PLXNA4: variants seen among roughly 807,000 people sequenced by gnomAD.
The protein encoded by PLXNA4 is plexin-A4.
PLXNA4 carries 44 observed loss-of-function variants against 191.8 expected under a neutral mutation model. The ratio of observed to expected loss-of-function variants is 0.23; its 90% CI spans 0.18 to 0.29. PLXNA4 has a LOEUF of 0.29. Among genes scored for constraint, PLXNA4 ranks in the 10% least tolerant of loss-of-function variants. The pLI is 1.00. For synonymous variants in PLXNA4, 1,082 were observed against 1,009.5 expected (o/e 1.07, Z -1.36); for missense variants, 1,800 against 2,488.8 (o/e 0.72, Z 5.89).
In PLXNA4 at chr7:132,507,671, C is replaced by T. The variant is rs1250076084; in HGVS notation, c.1023G>A (p.Lys341=). ...GGGATTTCATTTTCCGCTTCTGGCC[C>T]TTGGAGAAGACGGTGAAGAGCAGGT... ...DDDLLFTVFS[K]GQKRKMKSLD... Residue 341 remains lysine, a synonymous_variant, in exon 2 of 32, where the codon AAG becomes AAA. Coordinates refer to ENST00000321063, the MANE Select transcript of PLXNA4 (RefSeq NM_020911.2). The T allele has an allele frequency of 6.2e-7, 1 of 1,614,228 alleles. No homozygotes were observed. The highest frequency in any genetic ancestry group is 8.5e-7 in the Non-Finnish European group (1 of 1,180,044).
At chr7:132,560,747 T>C (rs79574823) in intron 1 of PLXNA4, among the ~76,000 whole-genome samples, 2 of 152,086 alleles carry the variant, frequency 1.3e-5, no homozygotes, top group East Asian at 1.9e-4. Context: ...TGGCATCATC[T>C]CCCACCAGCT....
rs1395608767 is a variant in PLXNA4 at position 132,164,304 on chromosome 7, A to AC, written c.4354-17dup. ...CAGCACACTCCTGGAGGTGAGAAGA[A>AC]CGTCATTAGGAGGAGCTCTTGGAAC... On this transcript the variant is annotated splice_polypyrimidine_tract_variant and intron_variant, in intron 23 of 31. Coordinates refer to ENST00000321063, the MANE Select transcript of PLXNA4 (RefSeq NM_020911.2). 2 of 1,613,144 alleles carry AC rather than the reference A, an allele frequency of 1.2e-6. No homozygotes were observed. Among genetic ancestry groups the AC allele is most frequent in the Non-Finnish European group, 1.7e-6 (2 of 1,179,302 alleles).
intron 20 of PLXNA4, 40 bp downstream of exon 20, chr7:132,179,647 C>G (rs373449239): frequency 1.3e-6 from 2 of 1,575,382 alleles, no homozygotes; most frequent in Non-Finnish European, 1.7e-6. Context: ...TATGCACACA[C>G]GCACACACAC....
chr7:132,605,371 G>C (rs1271991908), intron 2 of PLXNA4, among the ~76,000 whole-genome samples: 1 of 152,162 alleles, frequency 6.6e-6, no homozygotes, highest in Admixed American at 6.5e-5. Context: ...AATTTAGAGA[G>C]GGGATCCAGT....
intron 3 of PLXNA4, among the ~76,000 whole-genome samples, chr7:132,329,333 C>T (rs934835605): frequency 3.3e-5 from 5 of 152,206 alleles, no homozygotes; most frequent in African/African-American, 1.2e-4. Context: ...TGCTCGCCCT[C>T]TCCCTGTCTC....
chr7:132,304,824 G>T (rs1801447668), intron 3 of PLXNA4, among the ~76,000 whole-genome samples: 3 of 142,572 alleles, frequency 2.1e-5, no homozygotes, highest in Non-Finnish European at 4.5e-5. Flanking sequence ...CAACCCCTTT[G>T]TGTCTCCCAG....
At chr7:132,246,514 A>T (rs1013376516) in intron 4 of PLXNA4, among the ~76,000 whole-genome samples, 11 of 152,176 alleles carry the variant, frequency 7.2e-5, no homozygotes, top group Admixed American at 5.9e-4. Flanking sequence ...CAAGAGGTCA[A>T]ATGGCCCCTG....
At chr7:132,176,934 G>A (rs571601999) in intron 20 of PLXNA4, among the ~76,000 whole-genome samples, 9 of 152,130 alleles carry the variant, frequency 5.9e-5, no homozygotes, top group Admixed American at 3.3e-4. Context: ...ATGTGGGCAT[G>A]TGTGTGCACG....
chr7:132,497,122 GCACACACA>G (rs34913954), intron 2 of PLXNA4, among the ~76,000 whole-genome samples: 2 of 150,184 alleles, frequency 1.3e-5, no homozygotes, highest in Non-Finnish European at 3.0e-5. Context: ...GTGCACGCAC[GCACACACA>G]CACACACACA....
chr7:132,293,891 T>C (rs1426309904), intron 4 of PLXNA4, among the ~76,000 whole-genome samples: 3 of 152,194 alleles, frequency 2.0e-5, no homozygotes, highest in African/African-American at 4.8e-5. Context: ...AGCACCAAAA[T>C]TGAAACCACA....
In PLXNA4 at chr7:132,263,463, G is replaced by A. The variant is rs558132215; in HGVS notation, c.1504-22297C>T. On this transcript the variant is annotated intron_variant, in intron 4 of 31. Transcript: ENST00000321063. The stretch of plus-strand genomic sequence containing the variant: ...CCTGGGCTGAGTTATGAGTGCCTCC[G>A]AGCCTCAGCTTCTTTACGGTAAAAT... 6.6e-5 allele frequency among the ~76,000 whole-genome samples: 10 copies of A among 152,296 alleles called. No homozygotes were observed. In the East Asian group the frequency reaches 7.7e-4, roughly 12 times the overall value.
At chr7:132,261,536 A>G (rs899689240) in intron 4 of PLXNA4, among the ~76,000 whole-genome samples, 1 of 152,204 alleles carries the variant, frequency 6.6e-6, no homozygotes, top group African/African-American at 2.4e-5. Flanking sequence ...CTGCCTGATG[A>G]ATGATGCTAG....
chr7:132,520,906 G>GT (rs5887578), intron 1 of PLXNA4, among the ~76,000 whole-genome samples: 5,858 of 152,166 alleles, frequency 0.038, 363 homozygotes, highest in African/African-American at 0.13. Context: ...CAGCCAAATG[G>GT]CAGGGCTTCT....
intron 2 of PLXNA4, among the ~76,000 whole-genome samples, chr7:132,623,617 C>G (rs148844028): frequency 6.6e-6 from 1 of 152,162 alleles, no homozygotes; most frequent in Admixed American, 6.5e-5. Flanking sequence ...GGAGAGCAAG[C>G]CTGGCTGAAG....
intron 25 of PLXNA4, among the ~76,000 whole-genome samples, chr7:132,152,254 G>T (rs1023291523): frequency 3.4e-4 from 52 of 152,152 alleles, no homozygotes; most frequent in African/African-American, 1.2e-3. Flanking sequence ...AAGCTGCATG[G>T]CTGGGCTCAT....
chr7:132,284,097 T>C (rs1298601806), intron 4 of PLXNA4, among the ~76,000 whole-genome samples: 1 of 152,150 alleles, frequency 6.6e-6, no homozygotes, highest in African/African-American at 2.4e-5. Flanking sequence ...CATCTGAGCT[T>C]AGGACTTCAA....
chr7:132,576,928 G>C (rs1322292261), upstream of PLXNA4: 4 of 149,354 alleles, frequency 2.7e-5, no homozygotes, highest in Non-Finnish European at 6.0e-5. The surrounding 1 kb of genome is among the most constrained non-coding windows in gnomAD (Gnocchi z 5.8). Context: ...GGACCCGCCG[G>C]GGAGCGCTCT....
chr7:132,389,837 T>A (rs1258654539), intron 3 of PLXNA4, among the ~76,000 whole-genome samples: 1 of 152,310 alleles, frequency 6.6e-6, no homozygotes, highest in East Asian at 1.9e-4. Flanking sequence ...CAGGATAGCA[T>A]TAAATCTATA....
intron 2 of PLXNA4, among the ~76,000 whole-genome samples, chr7:132,498,406 G>A (rs188366746): frequency 4.6e-5 from 7 of 152,248 alleles, no homozygotes; most frequent in East Asian, 1.9e-4. Flanking sequence ...GGTCTTACAC[G>A]GATGGCAGCA....
Sources: gnomAD v4.1 joint callset for allele counts (sites outside exome capture counted in the v4.1 genomes callset) on GRCh38, gnomAD v4.1.1 for gene constraint, Gnocchi (gnomAD v3.1) non-coding constraint, MANE v1.5 for transcripts, NCBI Gene and HGNC (gene_info 2026-07-23, HGNC 2026-07-21) for gene names.